The following LRRK1 variants were observed in gnomAD, a reference collection of about 807,000 sequenced individuals.
LRRK1 encodes the protein leucine-rich repeat serine/threonine-protein kinase 1.
In LRRK1, 113 loss-of-function variants were observed where a neutral mutation model predicts 209.1. The observed-to-expected ratio is 0.54, with a 90% CI of 0.46 to 0.63. The LOEUF (loss-of-function observed/expected upper bound fraction) is 0.63, where lower values mean the gene tolerates loss of function less well. Ranked by LOEUF, LRRK1 falls within the 30% of genes least tolerant of loss-of-function variation. The pLI is 0.00. For missense variants in LRRK1, 2,284 were observed against 2,632.2 expected (o/e 0.87, Z 2.89); for synonymous variants, 1,144 against 1,099.7 (o/e 1.04, Z -0.80).
chr15:101,059,819 T>TCAGAATCATGGCAGAGTCCAGGTCCGGG (rs2036052370), intron 29 of LRRK1, among the ~76,000 whole-genome samples: 2 of 152,146 alleles, frequency 1.3e-5, no homozygotes, highest in Non-Finnish European at 2.9e-5. Flanking sequence ...CCAGGGCTCA[T>TCAGAATCATGGCAGAGTCCAGGTCCGGG]CAGAATCATG....
chr15:101,044,494 T>C (rs1304069492), intron 20 of LRRK1, among the ~76,000 whole-genome samples: 1 of 152,212 alleles, frequency 6.6e-6, no homozygotes, highest in Non-Finnish European at 1.5e-5. Context: ...CAGCTCGTAA[T>C]TGCTCTGAAA....
In LRRK1 at chr15:101,010,538, T is replaced by A. The variant is rs1199543291; in HGVS notation, c.1078T>A (p.Ser360Thr). 1 of 1,612,402 alleles carries A rather than the reference T, an allele frequency of 6.2e-7. No homozygotes were observed. The highest frequency in any genetic ancestry group is 8.5e-7 in the Non-Finnish European group (1 of 1,179,658). ...CTCAAAACTTCAAAAACTGACAGCT[T>A]CAAAAAATTGTTTAGAAAAATTGTT... ...HLSKLQKLTASKNCLEKLFEE... is the reference protein window; with the variant it reads ...HLSKLQKLTATKNCLEKLFEE... Residue 360 changes from serine (S) to threonine (T), a missense_variant, in exon 8 of 34, where the codon TCA (serine) becomes ACA (threonine). Physicochemically the swap from Ser to Thr is moderately conservative, Grantham distance 58. Transcript: ENST00000388948.
At position 100,951,722 on chromosome 15, in the gene LRRK1, C is replaced by T. The variant is rs183851905; in HGVS notation, c.98-22082C>T. On this transcript the variant is annotated intron_variant, in intron 2 of 33. Coordinates refer to ENST00000388948, the MANE Select transcript of LRRK1 (RefSeq NM_024652.6). ...ATCCCAGCACTTTGGGAGGCCGAGA[C>T]AGGTGGATCATCTCAGGTCAGGAGT... Among the ~76,000 whole-genome samples, 400 of 152,150 alleles carry T rather than the reference C, an allele frequency of 2.6e-3. 3 individuals are homozygous for T. The highest frequency in any genetic ancestry group is 9.2e-3 in the African/African-American group (383 of 41,502).
chr15:101,067,122 A>G, intron 33 of LRRK1: 2 of 379,858 alleles, frequency 5.3e-6, no homozygotes, highest in Non-Finnish European at 5.3e-6. Context: ...CCCACACAGC[A>G]CCCTATGGGG....
In LRRK1 at chr15:101,010,575, A is replaced by G; in HGVS notation, c.1115A>G (p.Asn372Ser). Residue 372 changes from asparagine (N) to serine (S), a missense_variant and splice_region_variant, in exon 8 of 34, where the codon AAT (asparagine) becomes AGT (serine). This residue lies in a region of LRRK1 where 494 missense variants were observed against 522.1 expected (regional missense o/e 0.95). Transcript: ENST00000388948. Reference protein sequence around the residue: ...NCLEKLFEEENATNWIGLRKL... With the variant: ...NCLEKLFEEESATNWIGLRKL... ...TTAGAAAAATTGTTCGAAGAAGAAA[A>G]TGGTATGTTTTCTCATCAACTTGAG... 1 of 1,612,264 alleles carries G rather than the reference A, an allele frequency of 6.2e-7. No homozygotes were observed. Among genetic ancestry groups the G allele is most frequent in the Non-Finnish European group, 8.5e-7 (1 of 1,179,590 alleles).
At chr15:101,051,179 G>C (rs1010093050) in intron 23 of LRRK1, among the ~76,000 whole-genome samples, 1 of 152,246 alleles carries the variant, frequency 6.6e-6, no homozygotes, top group Non-Finnish European at 1.5e-5. Flanking sequence ...CCTCCACAGG[G>C]CATCTTGGAG....
rs1338754890 is a variant in LRRK1 at position 101,070,655 on chromosome 15, G to C, written c.*1807G>C. 1 of 152,118 alleles carries C rather than the reference G, an allele frequency of 6.6e-6. No individual in the cohort carries two copies. Among genetic ancestry groups the C allele is most frequent in the African/African-American group, 2.4e-5 (1 of 41,404 alleles). 9.4% of individuals were successfully genotyped at this position (152,118 alleles called of 1,614,324 possible). ...AGGGGATCTCATCACATCACAGTTA[G>C]AAATCATACAGGCCTAAAGTCCCAG... is the stretch of plus-strand genomic sequence containing the variant. On this transcript the variant is annotated 3_prime_UTR_variant, in exon 34 of 34. Coordinates refer to ENST00000388948, the MANE Select transcript of LRRK1 (RefSeq NM_024652.6).
At chr15:101,042,115 T>C (rs1284709792) in intron 20 of LRRK1, among the ~76,000 whole-genome samples, 1 of 152,230 alleles carries the variant, frequency 6.6e-6, no homozygotes, top group Non-Finnish European at 1.5e-5. Flanking sequence ...ATGTTGATTG[T>C]TTCTGGTGCT....
Position 101,071,720 on chromosome 15 carries a change from TA to T in LRRK1, c.*2873del. On this transcript the variant is annotated 3_prime_UTR_variant, in exon 34 of 34. Coordinates refer to ENST00000388948, the MANE Select transcript of LRRK1 (RefSeq NM_024652.6). ...TCTGCTTTTAGGAGCTCACTCCTCA[TA>T]GGTAGAGTTGACAATAAGCACACAA... 1 of 152,282 alleles carries T rather than the reference TA, an allele frequency of 6.6e-6. No individual in the cohort carries two copies. Among genetic ancestry groups the T allele is most frequent in the East Asian group, 1.9e-4 (1 of 5,180 alleles). 9.4% of individuals were successfully genotyped at this position (152,282 alleles called of 1,614,324 possible).
chr15:101,027,860 A>T lies in LRRK1; in HGVS notation c.2686+63A>T. The T allele has an allele frequency of 6.9e-7, 1 of 1,445,700 alleles. No homozygotes were observed. Among genetic ancestry groups the T allele is most frequent in the Non-Finnish European group, 9.3e-7 (1 of 1,074,632 alleles). The allele number at this position is 1,445,700 out of a possible 1,614,324, so 89.6% of individuals were successfully genotyped here. On this transcript the variant is annotated intron_variant, in intron 19 of 33. Coordinates refer to ENST00000388948, the MANE Select transcript of LRRK1 (RefSeq NM_024652.6). This position sits in a 1 kb window ranked among gnomAD's most constrained non-coding sequence, Gnocchi z 5.1. ...GAAATGGAACTGTCTGTACTTGCTA[A>T]CTTCAGCTTGGCCTCAGTAATGAAT...
At chr15:101,061,507 G>A (rs1033034715) in intron 30 of LRRK1, among the ~76,000 whole-genome samples, 3 of 152,240 alleles carry the variant, frequency 2.0e-5, no homozygotes, top group African/African-American at 7.2e-5. Context: ...GCTGGCTGGA[G>A]GCCGGGATTT....
intron 30 of LRRK1, chr15:101,062,329 G>A: frequency 2.5e-6 from 1 of 403,868 alleles, no homozygotes; most frequent in East Asian, 4.6e-5. Flanking sequence ...AGATCCCAAT[G>A]TTGGTTTTCT....
At chr15:101,014,616 G>A (rs1287117936) in intron 11 of LRRK1, among the ~76,000 whole-genome samples, 188 bp downstream of exon 11, 2 of 152,220 alleles carry the variant, frequency 1.3e-5, no homozygotes, top group Admixed American at 6.5e-5. Flanking sequence ...GGGCAGGCCT[G>A]GTTGGTTTCT....
At chr15:100,993,120 A>T (rs1225213347) in intron 6 of LRRK1, among the ~76,000 whole-genome samples, 1 of 152,226 alleles carries the variant, frequency 6.6e-6, no homozygotes, top group Admixed American at 6.5e-5. Context: ...CCTGTCTCAG[A>T]GGGATGCTTG....
intron 2 of LRRK1, among the ~76,000 whole-genome samples, chr15:100,945,564 G>A (rs1817815361): frequency 7.6e-6 from 1 of 131,130 alleles, no homozygotes; most frequent in Non-Finnish European, 1.5e-5. Context: ...CACAACCTCG[G>A]CTCACTGCAA....
At position 101,053,294 on chromosome 15, in the gene LRRK1, ATGCTGCACGCGCTGCAGCACCCC is replaced by A; in HGVS notation, c.3932_3954del (p.Leu1311HisfsTer68). ...CTCCGAGTTCCGGCAGGAGGCCAGC[ATGCTGCACGCGCTGCAGCACCCC>A]TGCATCGTGGCGCTCATCGGCATCA... is the stretch of plus-strand genomic sequence containing the variant. On this transcript the variant is annotated frameshift_variant, in exon 26 of 34. Transcript: ENST00000388948. LOFTEE classifies it high-confidence loss of function. 2 of 1,606,356 alleles carry A rather than the reference ATGCTGCACGCGCTGCAGCACCCC, an allele frequency of 1.2e-6. No individual in the cohort carries two copies. The highest frequency in any genetic ancestry group is 1.7e-6 in the Non-Finnish European group (2 of 1,179,916).
intron 3 of LRRK1, among the ~76,000 whole-genome samples, chr15:100,977,282 A>C (rs8031069): frequency 0.95 from 143,967 of 152,178 alleles, 68,119 homozygotes; most frequent in East Asian, 1. Flanking sequence ...CAGGCAGTCA[A>C]CAACCCTCTT....
intron 2 of LRRK1, among the ~76,000 whole-genome samples, chr15:100,944,319 C>T (rs371259183): frequency 4.6e-4 from 70 of 152,334 alleles, no homozygotes; most frequent in African/African-American, 1.7e-3. Flanking sequence ...TGATCTAACT[C>T]AGCTATGCAC....
chr15:101,008,767 C>A, intron 6 of LRRK1, 70 bp from the exon 7 acceptor site: 2 of 1,217,342 alleles, frequency 1.6e-6, no homozygotes, highest in Non-Finnish European at 2.4e-6. Flanking sequence ...TTAACCCTTG[C>A]TTTATTCCAA....
Sources: gnomAD v4.1 joint callset for allele counts (sites outside exome capture counted in the v4.1 genomes callset) on GRCh38, gnomAD v4.1.1 for gene constraint, gnomAD v4.1.1 regional missense constraint, Gnocchi (gnomAD v3.1) non-coding constraint, MANE v1.5 for transcripts, NCBI Gene and HGNC (gene_info 2026-07-23, HGNC 2026-07-21) for gene names.